The following DGKB variants were observed in gnomAD, a reference collection of about 807,000 sequenced individuals.
The protein encoded by DGKB is diacylglycerol kinase beta, also known as 90 kDa diacylglycerol kinase.
DGKB carries 67 observed loss-of-function variants against 114.3 expected under a neutral mutation model. The observed-to-expected ratio is 0.59, with a 90% confidence interval of 0.48 to 0.72. The LOEUF (loss-of-function observed/expected upper bound fraction) is 0.72, where lower values mean the gene tolerates loss of function less well. Ranked by LOEUF, DGKB falls within the 30% of genes least tolerant of loss-of-function variation. DGKB has a pLI of 0.00. For synonymous variants in DGKB, 398 were observed against 323.1 expected, an observed-to-expected ratio of 1.23 and a Z score of -2.49; for missense variants, 907 against 975.2, an observed-to-expected ratio of 0.93 and a Z score of 0.93.
chr7:14,383,857 C>T (rs909999210), intron 21 of DGKB, among the ~76,000 whole-genome samples: 2 of 152,120 alleles, frequency 1.3e-5, no homozygotes, highest in Admixed American at 6.5e-5. Flanking sequence ...TAATAGTAAG[C>T]GAGAAAGAGA....
At chr7:14,195,563 T>C (rs769500655) in intron 23 of DGKB, among the ~76,000 whole-genome samples, 7 of 152,204 alleles carry the variant, frequency 4.6e-5, no homozygotes, top group Non-Finnish European at 1.0e-4. Context: ...CTACACGGTC[T>C]TTACACTAAA....
At chr7:14,853,876 A>T (rs1586927398) in intron 1 of DGKB, among the ~76,000 whole-genome samples, 1 of 119,212 alleles carries the variant, frequency 8.4e-6, no homozygotes, top group South Asian at 2.7e-4. Context: ...TCAAAAAAAA[A>T]AAAAAAAAAA....
At chr7:14,250,010 A>T (rs1327586434) in intron 23 of DGKB, among the ~76,000 whole-genome samples, 1 of 151,688 alleles carries the variant, frequency 6.6e-6, no homozygotes, top group Admixed American at 6.6e-5. Context: ...GCTGGAGTGC[A>T]GTCGTGCAAT....
intron 20 of DGKB, among the ~76,000 whole-genome samples, chr7:14,534,960 C>A (rs1480139234): frequency 6.6e-6 from 1 of 151,774 alleles, no homozygotes; most frequent in Admixed American, 6.6e-5. Context: ...GAAAAGAAAT[C>A]AAAAAGGAAA....
intron 5 of DGKB, among the ~76,000 whole-genome samples, chr7:14,726,726 T>G (rs1454600581): frequency 6.6e-6 from 1 of 152,250 alleles, no homozygotes; most frequent in Non-Finnish European, 1.5e-5. Context: ...TGTGTAAACA[T>G]GCACATATAT....
At chr7:14,563,487 G>T (rs1796964164) in intron 20 of DGKB, among the ~76,000 whole-genome samples, 1 of 151,778 alleles carries the variant, frequency 6.6e-6, no homozygotes. Context: ...TTCAATTATT[G>T]TTTTCTTCCA....
chr7:14,204,297 G>A (rs1050729854), intron 23 of DGKB, among the ~76,000 whole-genome samples: 5 of 151,746 alleles, frequency 3.3e-5, no homozygotes, highest in African/African-American at 1.2e-4. Flanking sequence ...AAACTTGAGG[G>A]GCCTTATATA....
intron 22 of DGKB, among the ~76,000 whole-genome samples, chr7:14,343,520 T>C (rs1811971797): frequency 6.6e-6 from 1 of 151,802 alleles, no homozygotes; most frequent in Non-Finnish European, 1.5e-5. Context: ...ACAACACTTT[T>C]CTTAAAGATT....
intron 20 of DGKB, among the ~76,000 whole-genome samples, chr7:14,557,242 T>C (rs371281954): frequency 2.0e-5 from 3 of 152,246 alleles, no homozygotes; most frequent in African/African-American, 7.2e-5. Flanking sequence ...TATTTATATT[T>C]GGATGCAAAA....
intron 21 of DGKB, among the ~76,000 whole-genome samples, chr7:14,424,625 T>A (rs1827224078): frequency 6.6e-6 from 1 of 152,108 alleles, no homozygotes; most frequent in Non-Finnish European, 1.5e-5. Flanking sequence ...AATAACTGAA[T>A]AAAATTTAAA....
intron 23 of DGKB, among the ~76,000 whole-genome samples, chr7:14,234,622 C>CA (rs1409460884): frequency 2.6e-5 from 4 of 151,954 alleles, no homozygotes; most frequent in Admixed American, 6.6e-5. Context: ...ATCCAAATAA[C>CA]AAAAAATCAT....
At chr7:14,380,507 A>G (rs1483971781) in intron 21 of DGKB, among the ~76,000 whole-genome samples, 1 of 152,126 alleles carries the variant, frequency 6.6e-6, no homozygotes, top group Non-Finnish European at 1.5e-5. Flanking sequence ...AATATCACTC[A>G]TATTGTTTTC....
intron 2 of DGKB, among the ~76,000 whole-genome samples, chr7:14,773,466 G>A (rs547016930): frequency 5.3e-5 from 8 of 152,076 alleles, no homozygotes; most frequent in Non-Finnish European, 1.0e-4. Flanking sequence ...AAGGTACAGA[G>A]TCAGTGAATT....
chr7:14,648,564 T>G (rs984458723), intron 13 of DGKB, among the ~76,000 whole-genome samples: 6 of 152,066 alleles, frequency 3.9e-5, no homozygotes, highest in African/African-American at 1.4e-4. Context: ...ACAGGAAAAC[T>G]GGAAACTCTA....
Position 14,583,091 on chromosome 7 carries a change from C to T in DGKB, c.1480G>A (p.Gly494Ser). Residue 494 changes from glycine (G) to serine (S), a missense_variant, in exon 18 of 26, where the codon GGT becomes AGT. By Grantham distance (56) the Gly-to-Ser change is moderately conservative. Transcript: ENST00000402815. ...ACCCAGCCCACGGTTCCATCTCCAC[C>T]ACAGGCTAACACTCTGAAGTCAGGA... ...DVPDFRVLAC[G>S]GDGTVGWVLD... The T allele has an allele frequency of 6.2e-7, 1 of 1,613,426 alleles. No individual in the cohort carries two copies. Among genetic ancestry groups the T allele is most frequent in the Non-Finnish European group, 8.5e-7 (1 of 1,179,624 alleles).
At chr7:14,240,827 G>C (rs1477223019) in intron 23 of DGKB, among the ~76,000 whole-genome samples, 2 of 152,016 alleles carry the variant, frequency 1.3e-5, no homozygotes, top group African/African-American at 4.8e-5. Flanking sequence ...ATTAATAAAA[G>C]TTGCTATTAA....
In DGKB at chr7:14,322,131, C is replaced by T. The variant is rs73679706; in HGVS notation, c.2122+16384G>A. Among the ~76,000 whole-genome samples the T allele has an allele frequency of 3.8e-3, 578 of 152,260 alleles. 4 individuals carry two copies. Among genetic ancestry groups the T allele is most frequent in the African/African-American group, 0.013 (550 of 41,532 alleles). On this transcript the variant is annotated intron_variant, in intron 23 of 25. Transcript: ENST00000402815. ...GGTGTCAGCAAACTGTGGCTTTGTG[C>T]CAGATCTGGCCTGCTGCCTGTTTTT...
intron 1 of DGKB, among the ~76,000 whole-genome samples, chr7:14,851,620 T>C (rs981591184): frequency 1.4e-4 from 21 of 152,170 alleles, no homozygotes; most frequent in Admixed American, 1.4e-3. Flanking sequence ...CTTCTCCCCT[T>C]GCACTTAATA....
chr7:14,488,580 G>C (rs1031263119), intron 20 of DGKB, among the ~76,000 whole-genome samples: 1 of 151,658 alleles, frequency 6.6e-6, no homozygotes, highest in Non-Finnish European at 1.5e-5. Context: ...AGCACTTTGG[G>C]AGGCTGAGGT....
Sources: allele counts gnomAD v4.1 joint callset (sites outside exome capture counted in the v4.1 genomes callset), GRCh38; gene constraint gnomAD v4.1.1; transcripts MANE v1.5; gene names NCBI Gene and HGNC (gene_info 2026-07-23, HGNC 2026-07-21).